The following FSTL5 variants were observed in gnomAD, a reference collection of about 807,000 sequenced individuals.
The protein encoded by FSTL5 is follistatin like 5.
A neutral mutation model predicts 89.1 loss-of-function variants in FSTL5; 62 were observed. That is an observed-to-expected ratio of 0.70 (90% CI 0.57 to 0.86). The LOEUF (loss-of-function observed/expected upper bound fraction) is 0.86, where lower values mean the gene tolerates loss of function less well. Among genes scored for constraint, FSTL5 ranks in the 40% least tolerant of loss-of-function variants. The pLI is 0.00. For synonymous variants in FSTL5, 383 were observed against 346.2 expected (o/e 1.11, Z -1.18); for missense variants, 1,057 against 1,001.6 (o/e 1.06, Z -0.75).
intron 7 of FSTL5, among the ~76,000 whole-genome samples, chr4:161,596,539 C>T (rs1000509607): frequency 6.6e-5 from 10 of 151,896 alleles, no homozygotes; most frequent in African/African-American, 2.4e-4. Flanking sequence ...GTTCTAATAA[C>T]TTCAAATTAA....
At chr4:161,854,317 G>T (rs1731653061) in intron 4 of FSTL5, among the ~76,000 whole-genome samples, 1 of 152,180 alleles carries the variant, frequency 6.6e-6, no homozygotes, top group African/African-American at 2.4e-5. Flanking sequence ...CATGCAATGA[G>T]TCCTCCAGGA....
At chr4:161,393,526 G>A (rs759263618) in intron 15 of FSTL5, among the ~76,000 whole-genome samples, 3 of 152,002 alleles carry the variant, frequency 2.0e-5, no homozygotes, top group Admixed American at 6.6e-5. Flanking sequence ...GCTACATCCC[G>A]GCTTCAGCTA....
chr4:161,445,466 TC>T (rs546976375), intron 15 of FSTL5, among the ~76,000 whole-genome samples: 105 of 152,064 alleles, frequency 6.9e-4, no homozygotes, highest in African/African-American at 2.4e-3. Flanking sequence ...AAAACTTGTT[TC>T]CCTAATGAAT....
intron 6 of FSTL5, among the ~76,000 whole-genome samples, chr4:161,725,626 T>A (rs1225118076): frequency 6.6e-6 from 1 of 152,104 alleles, no homozygotes; most frequent in Non-Finnish European, 1.5e-5. Flanking sequence ...ATTCAGTGCA[T>A]CTGTAAAAAG....
At chr4:161,694,335 T>G (rs2126723023) in intron 6 of FSTL5, among the ~76,000 whole-genome samples, 1 of 152,296 alleles carries the variant, frequency 6.6e-6, no homozygotes, top group South Asian at 2.1e-4. Flanking sequence ...TTAGGCTTTG[T>G]TATTTTCTGT....
intron 4 of FSTL5, among the ~76,000 whole-genome samples, chr4:161,896,663 G>T (rs1017203966): frequency 1.3e-5 from 2 of 152,082 alleles, no homozygotes; most frequent in Admixed American, 1.3e-4. Context: ...TCTTAAACCT[G>T]TGAAGAACTA....
chr4:161,671,053 G>A (rs193261921), intron 6 of FSTL5, among the ~76,000 whole-genome samples: 1 of 152,184 alleles, frequency 6.6e-6, no homozygotes, highest in African/African-American at 2.4e-5. Flanking sequence ...TCTCAAGGCA[G>A]TCCAGCTCTA....
rs115207319 is a variant in FSTL5, at chr4:161,831,593, T to G, written c.410-55519A>C. On this transcript the variant is annotated intron_variant, in intron 4 of 15. Coordinates refer to ENST00000306100, the MANE Select transcript of FSTL5 (RefSeq NM_020116.5). ...AATTCCCAGTTTCAAAGTGTTACAT[T>G]ATATGTATTTGAGATTAAATAAATT... Among the ~76,000 whole-genome samples the G allele has an allele frequency of 1.7e-3, 255 of 152,058 alleles. 3 individuals are homozygous for G. The highest frequency in any genetic ancestry group is 6.0e-3 in the African/African-American group (248 of 41,534).
intron 12 of FSTL5, among the ~76,000 whole-genome samples, chr4:161,487,264 C>A (rs1012369740): frequency 6.6e-6 from 1 of 152,106 alleles, no homozygotes; most frequent in Non-Finnish European, 1.5e-5. Context: ...AAAAAATAGT[C>A]AAGAAGTGGT....
intron 11 of FSTL5, among the ~76,000 whole-genome samples, chr4:161,508,370 A>AG (rs1440192610): frequency 1.5e-4 from 23 of 152,146 alleles, no homozygotes; most frequent in Non-Finnish European, 7.4e-5. Flanking sequence ...AACTGTATGT[A>AG]GAAAAAAAGA....
chr4:161,856,809 T>C (rs1263108806), intron 4 of FSTL5, among the ~76,000 whole-genome samples: 1 of 151,904 alleles, frequency 6.6e-6, no homozygotes, highest in African/African-American at 2.4e-5. Context: ...AAAAAGGAAA[T>C]CATGGATGAG....
At chr4:161,560,439 A>G (rs1036078310) in intron 8 of FSTL5, among the ~76,000 whole-genome samples, 1 of 151,908 alleles carries the variant, frequency 6.6e-6, no homozygotes, top group Non-Finnish European at 1.5e-5. Context: ...AATTTTCCTT[A>G]GCTTACTGTA....
intron 1 of FSTL5, among the ~76,000 whole-genome samples, chr4:162,139,103 A>G (rs1027014487): frequency 6.6e-6 from 1 of 151,912 alleles, no homozygotes; most frequent in Admixed American, 6.6e-5. Flanking sequence ...TAAATTTTAC[A>G]TTCTGGGGTA....
chr4:161,388,092 T>C (rs966965174), intron 15 of FSTL5: 10 of 152,108 alleles, frequency 6.6e-5, no homozygotes, highest in Non-Finnish European at 1.5e-4. Context: ...TGCTATACTA[T>C]TACCTAATTT....
At position 162,159,334 on chromosome 4, in the gene FSTL5, T is replaced by C. The variant is rs557849046; in HGVS notation, c.-17+4281A>G. 1.0e-3 allele frequency among the ~76,000 whole-genome samples: 156 copies of C among 152,204 alleles called. 5 individuals are homozygous for C. In the South Asian group the frequency reaches 0.031, roughly 31 times the overall value. ...AGTAAAGTAAGTTTCTCTATTACAA[T>C]GTATATTTAAATACAACTCAATGAA... On this transcript the variant is annotated intron_variant, in intron 1 of 15. Coordinates refer to ENST00000306100, the MANE Select transcript of FSTL5 (RefSeq NM_020116.5).
At chr4:161,423,084 G>C (rs920467777) in intron 15 of FSTL5, among the ~76,000 whole-genome samples, 2 of 152,056 alleles carry the variant, frequency 1.3e-5, no homozygotes, top group African/African-American at 4.8e-5. Flanking sequence ...ACTATGTCAA[G>C]TACTTCCTTT....
intron 1 of FSTL5, among the ~76,000 whole-genome samples, chr4:162,154,166 C>T (rs899818370): frequency 3.4e-4 from 49 of 145,948 alleles, no homozygotes; most frequent in South Asian, 1.7e-3. Context: ...AATGAAAAAT[C>T]GAATTTACCT....
chr4:162,126,735 T>G (rs985673190), intron 1 of FSTL5, among the ~76,000 whole-genome samples: 1 of 152,358 alleles, frequency 6.6e-6, no homozygotes, highest in East Asian at 1.9e-4. Flanking sequence ...TTGTGATTTT[T>G]GGGCATTATG....
intron 10 of FSTL5, among the ~76,000 whole-genome samples, chr4:161,528,066 A>G (rs1242254921): frequency 2.7e-5 from 4 of 148,970 alleles, no homozygotes; most frequent in African/African-American, 1.0e-4. Flanking sequence ...AACACGGCAT[A>G]TTCTCACTCA....
Sources: allele counts gnomAD v4.1 joint callset (sites outside exome capture counted in the v4.1 genomes callset), GRCh38; gene constraint gnomAD v4.1.1; transcripts MANE v1.5; gene names NCBI Gene and HGNC (gene_info 2026-07-23, HGNC 2026-07-21).